The following PRKG1 variants were observed in gnomAD, a reference collection of about 807,000 sequenced individuals.
The protein encoded by PRKG1 is protein kinase cGMP-dependent 1, also known as cGMP-dependent protein kinase 1.
In PRKG1, 35 loss-of-function variants were observed where a neutral mutation model predicts 88.1. The observed-to-expected ratio is 0.40, with a 90% CI of 0.30 to 0.53. The LOEUF (loss-of-function observed/expected upper bound fraction) is 0.53, where lower values mean the gene tolerates loss of function less well. Among genes scored for constraint, PRKG1 ranks in the 20% least tolerant of loss-of-function variants. The pLI, the probability that PRKG1 is intolerant of heterozygous loss-of-function variation, is 0.59. For missense variants in PRKG1, 540 were observed against 839.8 expected (o/e 0.64, Z 4.41); for synonymous variants, 303 against 292.5 (o/e 1.04, Z -0.37).
At chr10:52,273,845 G>C (rs1317083426) in intron 12 of PRKG1, among the ~76,000 whole-genome samples, 2 of 152,214 alleles carry the variant, frequency 1.3e-5, no homozygotes, top group East Asian at 3.9e-4. Context: ...CATTGTGATA[G>C]AGGCTGGGGA....
At chr10:51,932,113 A>C (rs1842706141) in intron 5 of PRKG1, among the ~76,000 whole-genome samples, 1 of 152,032 alleles carries the variant, frequency 6.6e-6, no homozygotes, top group African/African-American at 2.4e-5. Context: ...TTAGTCTTAT[A>C]AATATTCTGC....
intron 2 of PRKG1, among the ~76,000 whole-genome samples, chr10:51,344,165 T>G (rs752491655): frequency 2.6e-5 from 4 of 152,114 alleles, no homozygotes; most frequent in Non-Finnish European, 5.9e-5. Flanking sequence ...TCATGGCTTC[T>G]GGGGAGGCCT....
chr10:51,477,974 A>G (rs1840245903), intron 3 of PRKG1, among the ~76,000 whole-genome samples: 1 of 152,078 alleles, frequency 6.6e-6, no homozygotes, highest in African/African-American at 2.4e-5. Context: ...CAAAGATTGA[A>G]TGACACAGGC....
chr10:52,126,755 C>A (rs1847940360), intron 7 of PRKG1, among the ~76,000 whole-genome samples: 1 of 152,084 alleles, frequency 6.6e-6, no homozygotes, highest in Non-Finnish European at 1.5e-5. Context: ...TTAGAAGAGT[C>A]AGCTGCATGT....
At chr10:51,046,352 A>G (rs1055649282) in intron 1 of PRKG1, among the ~76,000 whole-genome samples, 4 of 152,194 alleles carry the variant, frequency 2.6e-5, no homozygotes, top group African/African-American at 9.7e-5. Flanking sequence ...CTCTTGGTAG[A>G]GGAGATACAT....
chr10:51,711,902 C>CTCT (rs1436443214), intron 3 of PRKG1, among the ~76,000 whole-genome samples: 4 of 152,118 alleles, frequency 2.6e-5, no homozygotes, highest in African/African-American at 7.2e-5. Context: ...TTCTTCTTTT[C>CTCT]TCTTTAAATA....
intron 2 of PRKG1, among the ~76,000 whole-genome samples, chr10:51,182,792 G>A (rs1564630156): frequency 1.3e-5 from 2 of 152,172 alleles, no homozygotes. Flanking sequence ...TTAAAGTCCA[G>A]GGGACACCAC....
intron 5 of PRKG1, among the ~76,000 whole-genome samples, chr10:52,039,849 C>G (rs574653523): frequency 1.3e-5 from 2 of 152,262 alleles, no homozygotes; most frequent in East Asian, 3.9e-4. Flanking sequence ...TTGAGAAGCA[C>G]TCAAGTCTCA....
intron 2 of PRKG1, among the ~76,000 whole-genome samples, chr10:51,302,980 A>G (rs1221109824): frequency 6.6e-6 from 1 of 152,140 alleles, no homozygotes; most frequent in Non-Finnish European, 1.5e-5. Context: ...TTGGCCCTTT[A>G]TAGGATAGAG....
intron 5 of PRKG1, among the ~76,000 whole-genome samples, chr10:51,922,437 T>C (rs973458191): frequency 2.6e-5 from 4 of 151,828 alleles, no homozygotes; most frequent in Admixed American, 6.6e-5. Context: ...CTAATGCTTA[T>C]GTTGGATGTA....
At chr10:51,658,361 G>T (rs1840213696) in intron 3 of PRKG1, among the ~76,000 whole-genome samples, 2 of 152,054 alleles carry the variant, frequency 1.3e-5, no homozygotes, top group African/African-American at 4.8e-5. Context: ...TTCTCTCCAG[G>T]ATTACCATAA....
At chr10:51,087,363 T>C (rs1844279883) in intron 1 of PRKG1, among the ~76,000 whole-genome samples, 1 of 152,218 alleles carries the variant, frequency 6.6e-6, no homozygotes, top group African/African-American at 2.4e-5. Flanking sequence ...GTATACCATA[T>C]ATGTGATCTC....
chr10:52,059,467 CTA>C (rs1846185508), intron 6 of PRKG1, among the ~76,000 whole-genome samples: 1 of 151,432 alleles, frequency 6.6e-6, no homozygotes, highest in Non-Finnish European at 1.5e-5. Flanking sequence ...AAAACATAAA[CTA>C]TTGAATCTTG....
At chr10:51,396,512 T>C (rs555557954) in intron 2 of PRKG1, among the ~76,000 whole-genome samples, 1 of 152,344 alleles carries the variant, frequency 6.6e-6, no homozygotes, top group South Asian at 2.1e-4. Flanking sequence ...CATGTTGCCC[T>C]GGACAATGAA....
intron 3 of PRKG1, among the ~76,000 whole-genome samples, chr10:51,587,165 A>G (rs1838193647): frequency 1.3e-5 from 2 of 152,082 alleles, no homozygotes; most frequent in East Asian, 3.8e-4. Flanking sequence ...TTCTAGTTGG[A>G]AGACTTCTAA....
At chr10:51,726,687 A>G (rs1324690629) in intron 3 of PRKG1, among the ~76,000 whole-genome samples, 1 of 152,236 alleles carries the variant, frequency 6.6e-6, no homozygotes, top group East Asian at 1.9e-4. Flanking sequence ...CCATGTAACC[A>G]TGGTTAACGT....
At chr10:51,046,512 A>G (rs563299000) in intron 1 of PRKG1, among the ~76,000 whole-genome samples, 7 of 152,226 alleles carry the variant, frequency 4.6e-5, no homozygotes, top group Non-Finnish European at 7.3e-5. Flanking sequence ...GAGATTTGAG[A>G]TAAATCTTTC....
At chr10:51,935,429 A>G (rs1272508186) in intron 5 of PRKG1, among the ~76,000 whole-genome samples, 1 of 152,140 alleles carries the variant, frequency 6.6e-6, no homozygotes, top group Non-Finnish European at 1.5e-5. Context: ...AATTCGGTAA[A>G]CAGTTACCGA....
chr10:52,270,236 A>G (rs1331289406), intron 10 of PRKG1, among the ~76,000 whole-genome samples: 1 of 152,142 alleles, frequency 6.6e-6, no homozygotes, highest in Non-Finnish European at 1.5e-5. Flanking sequence ...GCTGGAGAGG[A>G]TGTGGAGAAA....
Sources: gnomAD v4.1 joint callset for allele counts (sites outside exome capture counted in the v4.1 genomes callset) on GRCh38, gnomAD v4.1.1 for gene constraint, MANE v1.5 for transcripts, NCBI Gene and HGNC (gene_info 2026-07-23, HGNC 2026-07-21) for gene names.